ZNF821: variants seen among roughly 807,000 people sequenced by gnomAD.
The protein encoded by ZNF821 is zinc finger protein 821.
Under a neutral mutation model 44.3 loss-of-function variants are expected in ZNF821, and 16 were observed. The observed-to-expected ratio is 0.36, with a 90% CI of 0.24 to 0.55. The LOEUF is 0.55. Ranked by LOEUF, ZNF821 falls within the 20% of genes least tolerant of loss-of-function variation. The probability of loss-of-function intolerance (pLI) is 0.86; values close to 1 mark genes in which losing one functional copy is unlikely to be tolerated. For missense variants in ZNF821, 436 were observed against 547.6 expected, an observed-to-expected ratio of 0.80 and a Z score of 2.03; for synonymous variants, 204 against 197.6, an observed-to-expected ratio of 1.03 and a Z score of -0.27.
intron 7 of ZNF821, among the ~76,000 whole-genome samples, chr16:71,861,099 C>A (rs1313447059): frequency 1.3e-5 from 2 of 152,178 alleles, no homozygotes; most frequent in African/African-American, 2.4e-5. Flanking sequence ...TGTGATCCAC[C>A]CGCCTCGGCC....
At chr16:71,888,821 A>T (rs2036871445), upstream of ZNF821, among the ~76,000 whole-genome samples, 1 of 152,182 alleles carries the variant, frequency 6.6e-6, no homozygotes, top group African/African-American at 2.4e-5. Flanking sequence ...TGATTTGAAA[A>T]TTTTTTGATC....
At chr16:71,877,788 C>T (rs903366491) in intron 3 of ZNF821, among the ~76,000 whole-genome samples, 1 of 150,980 alleles carries the variant, frequency 6.6e-6, no homozygotes, top group African/African-American at 2.4e-5. Context: ...GGCGTGGTGG[C>T]ATGCACCTGT....
upstream of ZNF821, among the ~76,000 whole-genome samples, chr16:71,887,093 C>T (rs748735677): frequency 2.0e-5 from 3 of 152,028 alleles, no homozygotes; most frequent in South Asian, 2.1e-4. Flanking sequence ...ATTAGTGGAA[C>T]GATATTTGGC....
rs1028193630 is a variant in ZNF821 at position 71,861,624 on chromosome 16, G to A, written c.584+152C>T. 5 of 803,878 alleles carry A rather than the reference G, an allele frequency of 6.2e-6. No individual in the cohort carries two copies. The East Asian group carries it at 1.3e-4, about 21-fold the overall frequency. The allele number at this position is 803,878 out of a possible 1,614,324, so 49.8% of individuals were successfully genotyped here. A position where few individuals can be genotyped will look rare whatever the true frequency, so the allele number is the denominator to read the frequency against. Reference sequence around the variant, plus strand: ...CCTTTGGGGCTATGTGAGGGAATAGGCATATTTCCTAGCCTTCTTACTTGT... The same window carrying A: ...CCTTTGGGGCTATGTGAGGGAATAGACATATTTCCTAGCCTTCTTACTTGT... On this transcript the variant is annotated intron_variant, in intron 7 of 7. Transcript: ENST00000425432.
exon 1 of ZNF821, chr16:71,895,111 C>A: frequency 5.8e-6 from 2 of 343,066 alleles, no homozygotes; most frequent in Non-Finnish European, 1.1e-5. Context: ...GGGGGAAAGT[C>A]CAGCGAAAGG....
intron 4 of ZNF821, 32 bp downstream of exon 4, chr16:71,867,880 C>T: frequency 3.3e-6 from 5 of 1,534,150 alleles, no homozygotes; most frequent in Non-Finnish European, 4.4e-6. Context: ...CTCCCATTGC[C>T]CTGAGTCATT....
chr16:71,881,085 G>T (rs1431695590), intron 2 of ZNF821, among the ~76,000 whole-genome samples: 1 of 152,268 alleles, frequency 6.6e-6, no homozygotes, highest in Admixed American at 6.5e-5. Flanking sequence ...CAGGAATATG[G>T]ATCTGGTCAC....
At chr16:71,878,113 C>CTTTTTTTT (rs59096817) in intron 3 of ZNF821, among the ~76,000 whole-genome samples, 1 of 121,748 alleles carries the variant, frequency 8.2e-6, no homozygotes, top group African/African-American at 3.0e-5. Flanking sequence ...AACTATTTGT[C>CTTTTTTTT]TTTTTTTTTT....
intron 5 of ZNF821, among the ~76,000 whole-genome samples, chr16:71,864,505 C>T (rs1396442547): frequency 6.6e-6 from 1 of 152,166 alleles, no homozygotes; most frequent in Non-Finnish European, 1.5e-5. Context: ...AGCGTTTTTC[C>T]TGTCATGTTC....
At chr16:71,863,187 C>T (rs376931560) in intron 6 of ZNF821, among the ~76,000 whole-genome samples, 15 of 152,186 alleles carry the variant, frequency 9.9e-5, no homozygotes, top group African/African-American at 2.6e-4. Context: ...TGAGCCACTG[C>T]GCCTGGCCCA....
At chr16:71,884,864 T>TTC (rs1255076525), upstream of ZNF821, 1 of 141,904 alleles carries the variant, frequency 7.0e-6, no homozygotes, top group Non-Finnish European at 1.5e-5. Context: ...CCTTTTTTTT[T>TTC]TTTTTTTTTT....
intron 1 of ZNF821, 147 bp from the exon 2 acceptor site, chr16:71,883,420 TACCAGACAAGA>T (rs1219146396): frequency 2.9e-6 from 1 of 347,692 alleles, no homozygotes; most frequent in Non-Finnish European, 5.7e-6. Flanking sequence ...TCCCAGGAAT[TACCAGACAAGA>T]GCCTGACAAG....
In ZNF821 at chr16:71,860,164, C is replaced by T; in HGVS notation, c.1093G>A (p.Ala365Thr). 6.2e-7 allele frequency: 1 copy of T among 1,614,258 alleles called. No homozygotes were observed. Among genetic ancestry groups the T allele is most frequent in the Non-Finnish European group, 8.5e-7 (1 of 1,180,046 alleles). ...GCAGAAGGGTCCTGGCCAAACTGAG[C>T]TCGCAACATCATGTCCATTTTCTCC... ...RLEKMDMMLR[A>T]QFGQDPSAMA... Residue 365 changes from alanine to threonine, a missense_variant, in exon 8 of 8, where the codon GCT (alanine) becomes ACT (threonine). Around this residue, in one of 5 missense-constraint regions of ZNF821, gnomAD observed 55 missense variants for 56.9 expected, o/e 0.97. Coordinates refer to ENST00000425432, the MANE Select transcript of ZNF821 (RefSeq NM_001201552.2). This position sits in a 1 kb window ranked among gnomAD's most constrained non-coding sequence, Gnocchi z 7.3.
chr16:71,891,741 G>A (rs971764189), intron 1 of ZNF821, among the ~76,000 whole-genome samples: 2 of 152,168 alleles, frequency 1.3e-5, no homozygotes, highest in African/African-American at 2.4e-5. Context: ...CAAGCGTGGT[G>A]TCCCACGCCT....
intron 4 of ZNF821, among the ~76,000 whole-genome samples, chr16:71,867,073 G>A (rs969645721): frequency 3.3e-5 from 5 of 152,172 alleles, no homozygotes; most frequent in Admixed American, 1.3e-4. Flanking sequence ...AGCTACTGTC[G>A]TAACCACAGG....
chr16:71,887,463 G>T (rs1471720774), upstream of ZNF821, among the ~76,000 whole-genome samples: 1 of 151,980 alleles, frequency 6.6e-6, no homozygotes, highest in African/African-American at 2.4e-5. Flanking sequence ...AGGTTTCACC[G>T]TGTTAGCCAG....
At chr16:71,883,167 A>C (rs1191771135) in intron 2 of ZNF821, 44 bp downstream of exon 2, 3 of 456,516 alleles carry the variant, frequency 6.6e-6, no homozygotes, top group South Asian at 3.1e-5. Flanking sequence ...CAAGAAAAAA[A>C]ACGAGTGAAA....
rs1304610862 is a variant in ZNF821, at chr16:71,859,931, T to C, written c.*87A>G. ...CTCTGGCAGCAAGGACAGGGCCTCG[T>C]GGGTGGCAGCAGCACTGGTCCTCGT... On this transcript the variant is annotated 3_prime_UTR_variant, in exon 8 of 8. Transcript: ENST00000425432. 7.4e-7 allele frequency: 1 copy of C among 1,352,606 alleles called. No individual in the cohort carries two copies. Among genetic ancestry groups the C allele is most frequent in the Non-Finnish European group, 9.6e-7 (1 of 1,041,222 alleles). 83.8% of individuals were successfully genotyped at this position (1,352,606 alleles called of 1,614,324 possible).
Position 71,860,447 on chromosome 16 carries a change from C to T in ZNF821, c.810G>A (p.Arg270=), listed in dbSNP as rs773718950. ...LRRQNEPLEV[R]LQRLERERTA... ...TGCGCTCTCGTTCCAGCCGCTGCAGCCGTACTTCCAAAGGCTCATTCTGTC... is the reference window on the plus strand; with the variant it reads ...TGCGCTCTCGTTCCAGCCGCTGCAGTCGTACTTCCAAAGGCTCATTCTGTC... The change falls in exon 8 of 8, where the codon CGG becomes CGA. Residue 270 remains arginine (R), a synonymous_variant. Transcript: ENST00000425432. The surrounding 1 kb of genome is among the most constrained non-coding windows in gnomAD (Gnocchi z 7.3). 6.2e-6 allele frequency: 10 copies of T among 1,613,882 alleles called. No individual in the cohort carries two copies. Among genetic ancestry groups the T allele is most frequent in the African/African-American group, 2.7e-5 (2 of 74,942 alleles).
Sources: allele counts gnomAD v4.1 joint callset (sites outside exome capture counted in the v4.1 genomes callset), GRCh38; gene constraint gnomAD v4.1.1; regional missense constraint gnomAD v4.1.1; non-coding constraint Gnocchi (gnomAD v3.1); transcripts MANE v1.5; gene names NCBI Gene and HGNC (gene_info 2026-07-23, HGNC 2026-07-21).